The following MARCHF8 variants were observed in gnomAD, a reference collection of about 807,000 sequenced individuals.
MARCHF8 encodes membrane associated ring-CH-type finger 8.
Under a neutral mutation model 51.6 loss-of-function variants are expected in MARCHF8, and 40 were observed. That is an observed-to-expected ratio of 0.77 (90% CI 0.60 to 1.01). The LOEUF (loss-of-function observed/expected upper bound fraction) is 1.01. Ranked by LOEUF, MARCHF8 falls within the 50% of genes least tolerant of loss-of-function variation. MARCHF8 has a pLI of 0.00. For synonymous variants in MARCHF8, 263 were observed against 280.3 expected, an observed-to-expected ratio of 0.94 and a Z score of 0.62; for missense variants, 685 against 708.6, an observed-to-expected ratio of 0.97 and a Z score of 0.38.
rs945311434 is a variant in MARCHF8, at chr10:45,459,396, C to T, written c.1270-129G>A. ...CCTTCCCAAACTAGATGCATTCCCC[C>T]AAGTATTGTTCTCCTAAAACCACTT... On this transcript the variant is annotated intron_variant, in intron 6 of 7. Transcript: ENST00000453424. 3.7e-6 allele frequency: 4 copies of T among 1,086,274 alleles called. No homozygotes were observed. In the African/African-American group the frequency reaches 4.8e-5, roughly 13 times the overall value. The allele number at this position is 1,086,274 out of a possible 1,614,324, so 67.3% of individuals were successfully genotyped here.
chr10:45,488,837 T>C lies in MARCHF8; in HGVS notation c.153+530A>G, dbSNP rs189735737. ...CCAAGATGCCTCCTTCTTCCAAATA[T>C]ACTCTTTTGTCTCTTGTCTTTTATT... On this transcript the variant is annotated intron_variant, in intron 3 of 7. Coordinates refer to ENST00000453424, the MANE Select transcript of MARCHF8 (RefSeq NM_001282866.2). 3.6e-3 allele frequency among the ~76,000 whole-genome samples: 550 copies of C among 152,296 alleles called. 5 individuals carry two copies. The highest frequency in any genetic ancestry group is 7.9e-3 in the South Asian group (38 of 4,822).
chr10:45,503,326 A>G (rs995752747), intron 2 of MARCHF8, among the ~76,000 whole-genome samples: 2 of 152,066 alleles, frequency 1.3e-5, no homozygotes, highest in Non-Finnish European at 2.9e-5. Context: ...TCACGAGGTC[A>G]AGGGATCAAG....
At chr10:45,522,412 CA>C (rs1458325806) in intron 2 of MARCHF8, among the ~76,000 whole-genome samples, 1 of 152,136 alleles carries the variant, frequency 6.6e-6, no homozygotes, top group Non-Finnish European at 1.5e-5. Flanking sequence ...AACCCAAGGT[CA>C]CACTGCTAAT....
chr10:45,509,510 T>C (rs1427124209), intron 2 of MARCHF8, among the ~76,000 whole-genome samples: 1 of 152,202 alleles, frequency 6.6e-6, no homozygotes, highest in Non-Finnish European at 1.5e-5. Context: ...ATAGATTAAA[T>C]AAGAATCTGT....
chr10:45,573,922 A>C (rs866529873), intron 1 of MARCHF8, among the ~76,000 whole-genome samples: 2 of 151,750 alleles, frequency 1.3e-5, no homozygotes, highest in African/African-American at 4.8e-5. Flanking sequence ...TCTTTTAAGC[A>C]CTCCTTTTTA....
chr10:45,481,106 T>C (rs1415442138), intron 3 of MARCHF8, among the ~76,000 whole-genome samples: 1 of 152,254 alleles, frequency 6.6e-6, no homozygotes, highest in East Asian at 1.9e-4. Context: ...GCTTTAAGAA[T>C]GGACTGACCC....
intron 6 of MARCHF8, 150 bp from the exon 7 acceptor site, chr10:45,459,417 C>T: frequency 1.1e-6 from 1 of 930,866 alleles, no homozygotes; most frequent in South Asian, 1.9e-5. Context: ...CTCCTAAAAC[C>T]ACTTGGCTTC....
At chr10:45,538,810 C>A (rs2044010913), upstream of MARCHF8, among the ~76,000 whole-genome samples, 1 of 152,230 alleles carries the variant, frequency 6.6e-6, no homozygotes, top group African/African-American at 2.4e-5. Context: ...CACCCAGATT[C>A]ATAAAACAAG....
chr10:45,521,757 T>C (rs2043710218), intron 2 of MARCHF8, among the ~76,000 whole-genome samples: 1 of 152,226 alleles, frequency 6.6e-6, no homozygotes, highest in South Asian at 2.1e-4. Flanking sequence ...AATCTTTTAT[T>C]TCCCAAAACT....
At chr10:45,585,734 T>C (rs2044611317) in intron 1 of MARCHF8, among the ~76,000 whole-genome samples, 1 of 152,196 alleles carries the variant, frequency 6.6e-6, no homozygotes, top group South Asian at 2.1e-4. Context: ...TTTATAAATA[T>C]TGTAATATCT....
intron 1 of MARCHF8, among the ~76,000 whole-genome samples, chr10:45,590,678 A>G (rs2044668820): frequency 6.6e-6 from 1 of 152,280 alleles, no homozygotes. Context: ...AAAAATATGC[A>G]TAAGCAAACA....
chr10:45,592,673 G>A (rs1000525620), intron 1 of MARCHF8, among the ~76,000 whole-genome samples: 4 of 152,176 alleles, frequency 2.6e-5, no homozygotes, highest in African/African-American at 9.7e-5. Context: ...CAACCCTCAA[G>A]AACCAGACGC....
intron 2 of MARCHF8, among the ~76,000 whole-genome samples, chr10:45,526,194 C>T (rs1012611316): frequency 1.3e-5 from 2 of 151,870 alleles, no homozygotes; most frequent in African/African-American, 4.8e-5. Flanking sequence ...AGATATTCAC[C>T]CTTCAAATAG....
intron 2 of MARCHF8, among the ~76,000 whole-genome samples, chr10:45,490,507 T>C (rs913631572): frequency 1.3e-5 from 2 of 152,110 alleles, no homozygotes; most frequent in African/African-American, 2.4e-5. Flanking sequence ...ATCTTGGACT[T>C]CCAGCCTCCA....
At chr10:45,559,071 G>A (rs1430152660) in intron 1 of MARCHF8, among the ~76,000 whole-genome samples, 1 of 152,144 alleles carries the variant, frequency 6.6e-6, no homozygotes, top group Admixed American at 6.5e-5. Context: ...TTATTCAGGA[G>A]GAATATGTAT....
At chr10:45,547,991 A>G (rs1259240148) in intron 1 of MARCHF8, among the ~76,000 whole-genome samples, 1 of 152,234 alleles carries the variant, frequency 6.6e-6, no homozygotes, top group Non-Finnish European at 1.5e-5. Flanking sequence ...ATCACAAGCC[A>G]CAGAAAAGAA....
chr10:45,481,625 C>T (rs2042888714), intron 3 of MARCHF8, among the ~76,000 whole-genome samples: 1 of 152,226 alleles, frequency 6.6e-6, no homozygotes, highest in Non-Finnish European at 1.5e-5. Context: ...CCCTTGTCTG[C>T]TGCCATGTAA....
At chr10:45,466,607 C>G (rs144559092) in intron 3 of MARCHF8, among the ~76,000 whole-genome samples, 2 of 152,092 alleles carry the variant, frequency 1.3e-5, no homozygotes. Flanking sequence ...ACCTAGTCAC[C>G]CTCCTCCCTT....
chr10:45,594,420 G>C (rs2044714149), exon 1 of MARCHF8: 1 of 152,238 alleles, frequency 6.6e-6, no homozygotes, highest in Admixed American at 6.5e-5. Flanking sequence ...CCTGGCACCC[G>C]GGGCGGCCGG....
Sources: gnomAD v4.1 joint callset for allele counts (sites outside exome capture counted in the v4.1 genomes callset) on GRCh38, gnomAD v4.1.1 for gene constraint, MANE v1.5 for transcripts, NCBI Gene and HGNC (gene_info 2026-07-23, HGNC 2026-07-21) for gene names.